Variants in GULP1 observed in about 807,000 individuals in gnomAD.
GULP1 encodes GULP PTB domain containing engulfment adaptor 1, also known as PTB domain-containing engulfment adapter protein 1.
Under a neutral mutation model 40.9 loss-of-function variants are expected in GULP1, and 19 were observed. The ratio of observed to expected loss-of-function variants is 0.46; its 90% CI spans 0.32 to 0.68. GULP1 has a LOEUF of 0.68. GULP1 is among the 30% of genes least tolerant of loss of function. The probability of loss-of-function intolerance (pLI) is 0.03; values close to 1 mark genes in which losing one functional copy is unlikely to be tolerated. For missense variants in GULP1, 312 were observed against 362.2 expected (o/e 0.86, Z 1.12); for synonymous variants, 119 against 117.6 (o/e 1.01, Z -0.08).
At chr2:188,418,952 A>T (rs140210291) in intron 2 of GULP1, among the ~76,000 whole-genome samples, 2 of 152,340 alleles carry the variant, frequency 1.3e-5, no homozygotes, top group African/African-American at 4.8e-5. Context: ...TTGTTAATAC[A>T]TACCTAAGTG....
At chr2:188,445,137 T>C (rs2058273833) in intron 2 of GULP1, among the ~76,000 whole-genome samples, 2 of 152,212 alleles carry the variant, frequency 1.3e-5, no homozygotes, top group Admixed American at 1.3e-4. Context: ...CTCTCCGATG[T>C]TTCTTGCTGT....
At chr2:188,414,498 A>G (rs1276472990) in intron 2 of GULP1, among the ~76,000 whole-genome samples, 3 of 152,156 alleles carry the variant, frequency 2.0e-5, no homozygotes, top group African/African-American at 4.8e-5. Flanking sequence ...CATTGGAAAA[A>G]AACATAAGTT....
At chr2:188,421,452 C>A (rs968375154) in intron 2 of GULP1, among the ~76,000 whole-genome samples, 1 of 151,904 alleles carries the variant, frequency 6.6e-6, no homozygotes, top group Non-Finnish European at 1.5e-5. Flanking sequence ...TCTTTTAAAG[C>A]GGTTTTTACT....
intron 2 of GULP1, among the ~76,000 whole-genome samples, chr2:188,436,176 A>C (rs900204832): frequency 2.0e-5 from 3 of 151,940 alleles, no homozygotes; most frequent in African/African-American, 7.3e-5. Context: ...TTAAAATCCA[A>C]CCATCACAGC....
intron 7 of GULP1, among the ~76,000 whole-genome samples, chr2:188,555,501 CT>C (rs1247949878): frequency 2.0e-5 from 3 of 152,228 alleles, no homozygotes; most frequent in Admixed American, 6.5e-5. Context: ...TCATGTTCTT[CT>C]TTTTTTCTTT....
chr2:188,320,247 T>C (rs2039771640), intron 1 of GULP1, among the ~76,000 whole-genome samples: 1 of 152,168 alleles, frequency 6.6e-6, no homozygotes, highest in Admixed American at 6.6e-5. Context: ...ATAGTATTTT[T>C]TGGACATATT....
intron 1 of GULP1, among the ~76,000 whole-genome samples, chr2:188,300,104 C>T (rs1321817731): frequency 6.6e-6 from 1 of 151,992 alleles, no homozygotes; most frequent in East Asian, 1.9e-4. Context: ...TTCCATTTCT[C>T]CAGACCTGAT....
chr2:188,498,630 C>A (rs1348731614), intron 4 of GULP1, among the ~76,000 whole-genome samples: 2 of 151,768 alleles, frequency 1.3e-5, no homozygotes, highest in South Asian at 2.1e-4. Flanking sequence ...AAAAGATGTT[C>A]TCTCAATTAA....
chr2:188,312,848 T>C (rs369060897), intron 1 of GULP1, among the ~76,000 whole-genome samples: 1 of 151,778 alleles, frequency 6.6e-6, no homozygotes, highest in Admixed American at 6.6e-5. Flanking sequence ...TTTATTGGCA[T>C]GTGCATTTCT....
intron 2 of GULP1, among the ~76,000 whole-genome samples, chr2:188,466,137 A>G (rs772616967): frequency 3.3e-5 from 5 of 152,044 alleles, no homozygotes; most frequent in Non-Finnish European, 7.4e-5. Flanking sequence ...AGTTATCTCC[A>G]TGTTCTGCAA....
chr2:188,521,199 A>G (rs918925988), intron 4 of GULP1, among the ~76,000 whole-genome samples: 3 of 152,146 alleles, frequency 2.0e-5, no homozygotes, highest in Non-Finnish European at 2.9e-5. Flanking sequence ...TGCCCTATAT[A>G]TAGAATTTTT....
chr2:188,393,572 C>T (rs2050810013), intron 2 of GULP1, among the ~76,000 whole-genome samples: 1 of 151,930 alleles, frequency 6.6e-6, no homozygotes, highest in African/African-American at 2.4e-5. Context: ...CATTTATGTT[C>T]AATGTTAATA....
intron 1 of GULP1, among the ~76,000 whole-genome samples, chr2:188,370,455 CT>C (rs2047451092): frequency 6.6e-6 from 1 of 152,180 alleles, no homozygotes; most frequent in Non-Finnish European, 1.5e-5. Flanking sequence ...TTGAGACTTT[CT>C]TTGGATCTCA....
intron 2 of GULP1, among the ~76,000 whole-genome samples, chr2:188,403,910 G>C (rs2052674292): frequency 6.6e-6 from 1 of 152,152 alleles, no homozygotes; most frequent in African/African-American, 2.4e-5. Context: ...GAAAACCAGT[G>C]AAGTATTCAG....
chr2:188,591,556 T>G (rs1703555950), intron 11 of GULP1: 1 of 151,850 alleles, frequency 6.6e-6, no homozygotes, highest in Non-Finnish European at 1.5e-5. Context: ...ATTTTTACGA[T>G]GGAAACAATC....
intron 4 of GULP1, among the ~76,000 whole-genome samples, chr2:188,497,295 T>C (rs1336271469): frequency 6.6e-6 from 1 of 152,020 alleles, no homozygotes; most frequent in Non-Finnish European, 1.5e-5. Flanking sequence ...TGTTCTTCTG[T>C]ATGTTTTCCA....
intron 7 of GULP1, among the ~76,000 whole-genome samples, chr2:188,545,726 C>G (rs757446181): frequency 6.6e-6 from 1 of 151,794 alleles, no homozygotes; most frequent in Non-Finnish European, 1.5e-5. Flanking sequence ...TAAGCCCTAA[C>G]ATATCAAAAA....
intron 1 of GULP1, among the ~76,000 whole-genome samples, chr2:188,317,401 T>C (rs1448246809): frequency 6.6e-6 from 1 of 152,172 alleles, no homozygotes; most frequent in Non-Finnish European, 1.5e-5. Flanking sequence ...GGGATTTTGA[T>C]TGATGATCTG....
chr2:188,372,765 A>G (rs2047765057), intron 1 of GULP1, among the ~76,000 whole-genome samples: 2 of 151,986 alleles, frequency 1.3e-5, no homozygotes, highest in South Asian at 2.1e-4. Context: ...GATACTTGCT[A>G]TCTACACTAA....
Sources: gnomAD v4.1 joint callset for allele counts (sites outside exome capture counted in the v4.1 genomes callset) on GRCh38, gnomAD v4.1.1 for gene constraint, MANE v1.5 for transcripts, NCBI Gene and HGNC (gene_info 2026-07-23, HGNC 2026-07-21) for gene names.